The following NCAN variants were observed in gnomAD, a reference collection of about 807,000 sequenced individuals.
NCAN encodes the protein neurocan.
Under a neutral mutation model 121.8 loss-of-function variants are expected in NCAN, and 47 were observed. That is an observed-to-expected ratio of 0.39 (90% CI 0.31 to 0.49). The LOEUF is 0.49. Ranked by LOEUF, NCAN falls within the 20% of genes least tolerant of loss-of-function variation. The probability of loss-of-function intolerance (pLI) is 0.92; values close to 1 mark genes in which losing one functional copy is unlikely to be tolerated. For missense variants in NCAN, 1,517 were observed against 1,773.4 expected, an observed-to-expected ratio of 0.86 and a Z score of 2.60; for synonymous variants, 633 against 702.0, an observed-to-expected ratio of 0.90 and a Z score of 1.55.
intron 8 of NCAN, among the ~76,000 whole-genome samples, chr19:19,230,846 G>A (rs1377386279): frequency 1.4e-5 from 2 of 147,560 alleles, no homozygotes; most frequent in Non-Finnish European, 3.0e-5. Flanking sequence ...AGCTTCTCCA[G>A]TAGCTTGGAC....
intron 8 of NCAN, among the ~76,000 whole-genome samples, chr19:19,230,795 C>A (rs2060855883): frequency 7.1e-6 from 1 of 141,564 alleles, no homozygotes; most frequent in East Asian, 2.1e-4. Flanking sequence ...GTGGTGCAAT[C>A]ATAGCTCACT....
chr19:19,220,648 G>A (rs59685035), intron 3 of NCAN, among the ~76,000 whole-genome samples: 2 of 151,788 alleles, frequency 1.3e-5, no homozygotes, highest in South Asian at 2.1e-4. Flanking sequence ...TAGTAGAGAC[G>A]GGGTTTCACC....
chr19:19,214,118 C>G (rs929459103), intron 1 of NCAN, among the ~76,000 whole-genome samples: 2 of 152,180 alleles, frequency 1.3e-5, no homozygotes, highest in African/African-American at 2.4e-5. Context: ...CAAACACTCA[C>G]AAATGCCCAT....
At chr19:19,220,051 G>T (rs887753468) in intron 3 of NCAN, among the ~76,000 whole-genome samples, 15 of 152,038 alleles carry the variant, frequency 9.9e-5, no homozygotes, top group African/African-American at 3.6e-4. Flanking sequence ...GTCTGTATCA[G>T]TATGGGTACT....
rs1404660530 is a variant in NCAN at position 19,225,576 on chromosome 19, T to C, written c.1072+306T>C. On this transcript the variant is annotated intron_variant, in intron 6 of 14. Transcript: ENST00000252575. This position sits in a 1 kb window ranked among gnomAD's most constrained non-coding sequence, Gnocchi z 4.0. The stretch of plus-strand genomic sequence containing the variant: ...CCCATAACCTTGAAAGACAAGCCCC[T>C]AGGTGGGGCATACTCTACCTAGAGC... Among the ~76,000 whole-genome samples, 1 of 152,112 alleles carries C rather than the reference T, an allele frequency of 6.6e-6. No individual in the cohort carries two copies. The highest frequency in any genetic ancestry group is 1.5e-5 in the Non-Finnish European group (1 of 67,984).
chr19:19,221,744 G>T (rs1215805082), intron 3 of NCAN, among the ~76,000 whole-genome samples: 1 of 151,954 alleles, frequency 6.6e-6, no homozygotes, highest in Non-Finnish European at 1.5e-5. Flanking sequence ...AAAAATATTA[G>T]CAGGGCATGC....
At chr19:19,214,727 G>GGTGTGGGT (rs989367237) in intron 1 of NCAN, among the ~76,000 whole-genome samples, 121 of 141,238 alleles carry the variant, frequency 8.6e-4, no homozygotes, top group African/African-American at 2.8e-3. Flanking sequence ...CTGTTAACGG[G>GGTGTGGGT]GTGTGTGTGT....
Position 19,227,552 on chromosome 19 carries a change from A to T in NCAN, c.1932A>T (p.Leu644=). 1 of 1,613,658 alleles carries T rather than the reference A, an allele frequency of 6.2e-7. No individual in the cohort carries two copies. The highest frequency in any genetic ancestry group is 1.3e-5 in the African/African-American group (1 of 74,962). The change falls in exon 8 of 15, where the codon CTA becomes CTT. Residue 644 remains leucine (L), a synonymous_variant. Transcript: ENST00000252575. The surrounding 1 kb of genome is among the most constrained non-coding windows in gnomAD (Gnocchi z 4.2). ...AMLRGPKEWM[L]PHPTPISTEA... ...TGCGTGGTCCCAAAGAGTGGATGCTACCACACCCCACCCCCATCTCCACCG... is the reference window on the plus strand; with the variant it reads ...TGCGTGGTCCCAAAGAGTGGATGCTTCCACACCCCACCCCCATCTCCACCG...
At position 19,227,719 on chromosome 19, in the gene NCAN, C is replaced by A. The variant is rs139643195; in HGVS notation, c.2099C>A (p.Ser700Tyr). ...GGEAMPTTPE[S>Y]PRADFRETGE... ...GAGGCCATGCCCACAACACCTGAGT[C>A]CCCCAGGGCAGACTTCAGAGAAACT... is the stretch of plus-strand genomic sequence containing the variant. Residue 700 changes from serine to tyrosine, a missense_variant, in exon 8 of 15, where the codon TCC becomes TAC. Physicochemically the swap from Ser to Tyr is moderately radical, Grantham distance 144. Coordinates refer to ENST00000252575, the MANE Select transcript of NCAN (RefSeq NM_004386.3). This position sits in a 1 kb window ranked among gnomAD's most constrained non-coding sequence, Gnocchi z 4.2. 1.2e-5 allele frequency: 20 copies of A among 1,613,958 alleles called. No individual in the cohort carries two copies. The highest frequency in any genetic ancestry group is 2.7e-5 in the African/African-American group (2 of 75,056).
chr19:19,247,069 C>G (rs970234866), intron 13 of NCAN, among the ~76,000 whole-genome samples: 2 of 151,962 alleles, frequency 1.3e-5, no homozygotes, highest in African/African-American at 2.4e-5. Flanking sequence ...ATCCTCCCCC[C>G]CATTTATTCA....
intron 14 of NCAN, among the ~76,000 whole-genome samples, chr19:19,249,425 A>T (rs2060938244): frequency 6.6e-6 from 1 of 151,770 alleles, no homozygotes; most frequent in Admixed American, 6.6e-5. Flanking sequence ...CTGGAGTGCG[A>T]GGCTCAATCA....
At chr19:19,233,673 A>G in intron 8 of NCAN, 116 bp from the exon 9 acceptor site, 1 of 666,748 alleles carries the variant, frequency 1.5e-6, no homozygotes. Flanking sequence ...GAAGTTATAA[A>G]GAGGGCTCCA....
intron 3 of NCAN, among the ~76,000 whole-genome samples, chr19:19,220,450 C>CT (rs71170607): frequency 0.45 from 32,943 of 72,930 alleles, 9,722 homozygotes; most frequent in Non-Finnish European, 0.51. Context: ...TTAGGCAATT[C>CT]TTTTTTTTTT....
At position 19,224,351 on chromosome 19, in the gene NCAN, C is replaced by G. The variant is rs1162989427; in HGVS notation, c.696C>G (p.Ser232Arg). The change falls in exon 5 of 15, where the codon AGC (serine) becomes AGG (arginine). Residue 232 changes from serine to arginine, a missense_variant. Physicochemically the swap from Ser to Arg is moderately radical, Grantham distance 110 (BLOSUM62 -1). Transcript: ENST00000252575. Reference sequence around the variant, plus strand: ...GTCCTGGTTGCTATGGCGACCGTAGCAGCCTTCCAGGGGTTCGGAGCTATG... The same window carrying G: ...GTCCTGGTTGCTATGGCGACCGTAGGAGCCTTCCAGGGGTTCGGAGCTATG... The part of the protein sequence containing the change: ...QSRPGCYGDR[S>R]SLPGVRSYGR... 6.2e-6 allele frequency: 10 copies of G among 1,614,092 alleles called. No individual in the cohort carries two copies. Among genetic ancestry groups the G allele is most frequent in the Non-Finnish European group, 8.5e-6 (10 of 1,179,984 alleles).
At chr19:19,242,213 C>T in intron 12 of NCAN, among the ~76,000 whole-genome samples, 1 of 151,770 alleles carries the variant, frequency 6.6e-6, no homozygotes, top group East Asian at 1.9e-4. Context: ...CACAAACAAA[C>T]AAAAAATTGT....
intron 1 of NCAN, among the ~76,000 whole-genome samples, chr19:19,216,443 C>G (rs1479428525): frequency 6.6e-6 from 1 of 152,100 alleles, no homozygotes; most frequent in Admixed American, 6.6e-5. Flanking sequence ...TCCTGAGTAG[C>G]TGGGATTACA....
At chr19:19,245,544 C>A in intron 13 of NCAN, 87 bp downstream of exon 13, 1 of 1,464,342 alleles carries the variant, frequency 6.8e-7, no homozygotes, top group Non-Finnish European at 9.2e-7. Context: ...GTGGCATAAT[C>A]ATGGCTCATC....
intron 12 of NCAN, among the ~76,000 whole-genome samples, chr19:19,242,865 T>C (rs939647092): frequency 3.3e-5 from 5 of 152,004 alleles, no homozygotes; most frequent in African/African-American, 9.7e-5. Context: ...CCAGGTGCAG[T>C]GGTTCATGCC....
Position 19,218,915 on chromosome 19 carries a change from G to C in NCAN, c.74G>C (p.Gly25Ala). 7 of 1,487,558 alleles carry C rather than the reference G, an allele frequency of 4.7e-6. No homozygotes were observed. The highest frequency in any genetic ancestry group is 6.3e-6 in the Non-Finnish European group (7 of 1,115,802). The allele number at this position is 1,487,558 out of a possible 1,614,324, so 92.1% of individuals were successfully genotyped here. Residue 25 changes from glycine to alanine, a missense_variant and splice_region_variant, in exon 3 of 15, where the codon GGC (glycine) becomes GCC (alanine). Transcript: ENST00000252575. ...QMLLFVAGEQ[G>A]TQDITDASER... The stretch of plus-strand genomic sequence containing the variant: ...CCTCTCTCCACCTTCTCCAACCCAG[G>C]CACACAGGATATCACCGATGCCAGC...
Sources: gnomAD v4.1 joint callset for allele counts (sites outside exome capture counted in the v4.1 genomes callset) on GRCh38, gnomAD v4.1.1 for gene constraint, Gnocchi (gnomAD v3.1) non-coding constraint, MANE v1.5 for transcripts, NCBI Gene and HGNC (gene_info 2026-07-23, HGNC 2026-07-21) for gene names.